RBFOX1: variants seen among roughly 807,000 people sequenced by gnomAD.
RBFOX1 encodes the protein RNA binding fox-1 homolog 1, also known as RNA binding protein fox-1 homolog 1.
RBFOX1 carries 8 observed loss-of-function variants against 57.7 expected under a neutral mutation model. The ratio of observed to expected loss-of-function variants is 0.14; its 90% CI spans 0.08 to 0.25. The LOEUF is 0.25. Ranked by LOEUF, RBFOX1 falls within the 10% of genes least tolerant of loss-of-function variation. The pLI is 1.00. For missense variants in RBFOX1, 611 were observed against 548.5 expected (o/e 1.11, Z -1.14); for synonymous variants, 326 against 222.4 (o/e 1.47, Z -4.15).
chr16:6,431,896 G>GCTTT (rs869041704), intron 2 of RBFOX1, among the ~76,000 whole-genome samples: 2,448 of 128,094 alleles, frequency 0.019, 44 homozygotes, highest in Non-Finnish European at 0.021. Context: ...TTGCTTGCTT[G>GCTTT]CTTTCTTTCT....
intron 4 of RBFOX1, among the ~76,000 whole-genome samples, chr16:7,498,167 T>C (rs2069322881): frequency 6.6e-6 from 1 of 152,122 alleles, no homozygotes; most frequent in African/African-American, 2.4e-5. Flanking sequence ...AGGTGGCGTG[T>C]GGGGTGGGAT....
intron 3 of RBFOX1, among the ~76,000 whole-genome samples, chr16:5,757,231 GTTTTTTTTT>G (rs562031050): frequency 7.9e-6 from 1 of 127,050 alleles, no homozygotes; most frequent in Non-Finnish European, 1.7e-5. Context: ...TGGTTTTTGT[GTTTTTTTTT>G]TTTTTTTTTG....
chr16:6,486,518 A>G (rs1332102326), intron 2 of RBFOX1, among the ~76,000 whole-genome samples: 1 of 152,152 alleles, frequency 6.6e-6, no homozygotes, highest in Non-Finnish European at 1.5e-5. Context: ...AAAGTTATCA[A>G]AGGGAGTTGG....
intron 2 of RBFOX1, among the ~76,000 whole-genome samples, chr16:6,333,062 C>G (rs537470264): frequency 8.1e-4 from 123 of 151,892 alleles, no homozygotes; most frequent in African/African-American, 2.8e-3. Context: ...TTTTTTGAGA[C>G]AGCATCTTGC....
chr16:6,850,308 G>C (rs972606318), intron 3 of RBFOX1, among the ~76,000 whole-genome samples: 1 of 152,152 alleles, frequency 6.6e-6, no homozygotes, highest in Non-Finnish European at 1.5e-5. Flanking sequence ...TGACAGGTAC[G>C]ATGAAAGAAT....
chr16:6,500,886 T>TGTTTGTTTG (rs796977292), intron 2 of RBFOX1, among the ~76,000 whole-genome samples: 95,228 of 145,476 alleles, frequency 0.65, 33,565 homozygotes, highest in Non-Finnish European at 0.77. Context: ...GTTTTTTTTT[T>TGTTTGTTTG]TTTTTTTTTT....
At chr16:7,537,973 A>C (rs2081951479) in intron 5 of RBFOX1, among the ~76,000 whole-genome samples, 1 of 152,248 alleles carries the variant, frequency 6.6e-6, no homozygotes, top group South Asian at 2.1e-4. Context: ...AACATTTATC[A>C]ACACCTACTG....
At chr16:7,457,512 G>C (rs546736028) in intron 4 of RBFOX1, among the ~76,000 whole-genome samples, 6 of 152,288 alleles carry the variant, frequency 3.9e-5, no homozygotes, top group African/African-American at 1.4e-4. Flanking sequence ...TTACTTAAGT[G>C]GTGAGATGTT....
Position 7,126,332 on chromosome 16 carries a change from A to T in RBFOX1, c.27+74234A>T, listed in dbSNP as rs1426661387. On this transcript the variant is annotated intron_variant, in intron 4 of 15. Transcript: ENST00000550418. ...GTGGGGGTCATGGGGCAGCACCCGCAGGTCTAAATCGAGGTGGGGGTTTTT... is the reference window on the plus strand; with the variant it reads ...GTGGGGGTCATGGGGCAGCACCCGCTGGTCTAAATCGAGGTGGGGGTTTTT... 8 of 286,036 alleles carry T rather than the reference A, an allele frequency of 2.8e-5. No homozygotes were observed. The East Asian group carries it at 7.8e-4, about 28-fold the overall frequency. 17.7% of individuals were successfully genotyped at this position (286,036 alleles called of 1,614,324 possible). A position where few individuals can be genotyped will look rare whatever the true frequency, so the allele number is the denominator to read the frequency against.
At chr16:6,284,730 A>C (rs2076726516) in intron 1 of RBFOX1, among the ~76,000 whole-genome samples, 2 of 152,148 alleles carry the variant, frequency 1.3e-5, no homozygotes, top group South Asian at 4.1e-4. Flanking sequence ...ACCTTGTGAA[A>C]TCAGGGGAGA....
At chr16:5,725,178 G>T (rs2052095556) in intron 3 of RBFOX1, among the ~76,000 whole-genome samples, 1 of 152,182 alleles carries the variant, frequency 6.6e-6, no homozygotes, top group Non-Finnish European at 1.5e-5. Flanking sequence ...GTTGGTTAAT[G>T]AGCATGCCAA....
chr16:7,499,704 C>T (rs1204129346), intron 4 of RBFOX1, among the ~76,000 whole-genome samples: 1 of 152,014 alleles, frequency 6.6e-6, no homozygotes, highest in African/African-American at 2.4e-5. Context: ...ACAAGTGCGC[C>T]AGAATCACAA....
chr16:6,610,829 A>G (rs569967497), intron 2 of RBFOX1, among the ~76,000 whole-genome samples: 4 of 152,308 alleles, frequency 2.6e-5, no homozygotes, highest in African/African-American at 9.6e-5. Flanking sequence ...TGTTCTGGGC[A>G]TACATACCAC....
chr16:7,534,542 A>C (rs1337735108), intron 5 of RBFOX1, among the ~76,000 whole-genome samples: 2 of 152,186 alleles, frequency 1.3e-5, no homozygotes, highest in East Asian at 3.9e-4. Context: ...GATCCCAGGA[A>C]GAGCCCCTGG....
chr16:6,706,126 G>T (rs2062704087), intron 3 of RBFOX1, among the ~76,000 whole-genome samples: 1 of 152,144 alleles, frequency 6.6e-6, no homozygotes. Context: ...GCTTTGTACA[G>T]GCATTGTAAT....
At chr16:6,089,370 C>T (rs1430475699) in intron 1 of RBFOX1, among the ~76,000 whole-genome samples, 1 of 151,986 alleles carries the variant, frequency 6.6e-6, no homozygotes, top group Non-Finnish European at 1.5e-5. Flanking sequence ...AATGCAAAGG[C>T]CCAGAGCCAT....
intron 3 of RBFOX1, among the ~76,000 whole-genome samples, chr16:7,034,065 A>G (rs1256500777): frequency 6.6e-6 from 1 of 152,144 alleles, no homozygotes; most frequent in Non-Finnish European, 1.5e-5. Flanking sequence ...ATGGCAGGGG[A>G]TGGGGACGCG....
chr16:7,227,673 G>A (rs2093230184), intron 4 of RBFOX1, among the ~76,000 whole-genome samples: 1 of 152,100 alleles, frequency 6.6e-6, no homozygotes, highest in Admixed American at 6.5e-5. Flanking sequence ...GAGTGGATGG[G>A]TCCTTCCAGC....
chr16:7,117,952 T>G (rs1250683181), intron 4 of RBFOX1, among the ~76,000 whole-genome samples: 2 of 152,146 alleles, frequency 1.3e-5, no homozygotes, highest in Non-Finnish European at 2.9e-5. Context: ...GGGAGAGAGA[T>G]CCAGCAAGAG....
Sources: allele counts gnomAD v4.1 joint callset (sites outside exome capture counted in the v4.1 genomes callset), GRCh38; gene constraint gnomAD v4.1.1; transcripts MANE v1.5; gene names NCBI Gene and HGNC (gene_info 2026-07-23, HGNC 2026-07-21).